CDH13: variants seen among roughly 807,000 people sequenced by gnomAD.
CDH13 encodes cadherin-13.
A neutral mutation model predicts 63.8 loss-of-function variants in CDH13; 24 were observed. The ratio of observed to expected loss-of-function variants is 0.38; its 90% confidence interval spans 0.27 to 0.53. The LOEUF (loss-of-function observed/expected upper bound fraction) is 0.53, where lower values mean the gene tolerates loss of function less well. Ranked by LOEUF, CDH13 falls within the 20% of genes least tolerant of loss-of-function variation. The probability of loss-of-function intolerance (pLI) is 0.85; values close to 1 mark genes in which losing one functional copy is unlikely to be tolerated. For synonymous variants in CDH13, 503 were observed against 355.3 expected (o/e 1.42, Z -4.67); for missense variants, 1,049 against 903.1 (o/e 1.16, Z -2.07).
At chr16:82,740,397 G>A (rs373154760) in intron 1 of CDH13, among the ~76,000 whole-genome samples, 13 of 152,276 alleles carry the variant, frequency 8.5e-5, no homozygotes, top group East Asian at 7.7e-4. Context: ...AATGTACAGC[G>A]TATTAGCCCA....
chr16:83,592,720 G>A (rs895027545), intron 7 of CDH13, among the ~76,000 whole-genome samples: 1 of 152,140 alleles, frequency 6.6e-6, no homozygotes, highest in African/African-American at 2.4e-5. Context: ...CAGTAAATCT[G>A]GAGAAATGAG....
rs1345889263 is a variant in CDH13 at position 82,813,837 on chromosome 16, G to A, written c.46-44525G>A. Among the ~76,000 whole-genome samples the A allele has an allele frequency of 7.9e-5, 12 of 152,182 alleles. 1 individual carries two copies. The East Asian group carries it at 2.3e-3, about 29-fold the overall frequency. ...TAGATTTTGAAGTTCAATCAGTCTT[G>A]GTTTCAAGTATTAGCTATTCCTCAG... On this transcript the variant is annotated intron_variant, in intron 1 of 13. Transcript: ENST00000567109.
At chr16:82,907,415 G>A (rs1370994529) in intron 2 of CDH13, among the ~76,000 whole-genome samples, 1 of 152,054 alleles carries the variant, frequency 6.6e-6, no homozygotes, top group Non-Finnish European at 1.5e-5. Context: ...TACTGTTTAG[G>A]GAGATATAGT....
chr16:82,654,734 ATTT>A (rs35891428), intron 1 of CDH13, among the ~76,000 whole-genome samples: 9 of 148,658 alleles, frequency 6.1e-5, no homozygotes, highest in African/African-American at 2.2e-4. Context: ...TTAAATAAGG[ATTT>A]TTTTTTTTTT....
intron 2 of CDH13, among the ~76,000 whole-genome samples, chr16:83,004,410 C>G (rs1287372591): frequency 1.3e-5 from 2 of 152,272 alleles, no homozygotes; most frequent in Middle Eastern, 3.4e-3. Context: ...AAGCTTAAAC[C>G]AAATAGAATT....
At chr16:83,733,750 T>A (rs1028808375) in intron 10 of CDH13, among the ~76,000 whole-genome samples, 1 of 152,168 alleles carries the variant, frequency 6.6e-6, no homozygotes, top group Non-Finnish European at 1.5e-5. Flanking sequence ...ACTTTCCCAT[T>A]CTGGTCTTCT....
At chr16:83,530,654 A>C (rs2075063795) in intron 7 of CDH13, among the ~76,000 whole-genome samples, 2 of 152,162 alleles carry the variant, frequency 1.3e-5, no homozygotes, top group African/African-American at 4.8e-5. Context: ...CATCTTAACC[A>C]CACACACAAG....
At chr16:83,162,692 C>G (rs1459852389) in intron 4 of CDH13, among the ~76,000 whole-genome samples, 1 of 152,098 alleles carries the variant, frequency 6.6e-6, no homozygotes, top group African/African-American at 2.4e-5. Flanking sequence ...AGGCCCTACA[C>G]CACTACCACT....
chr16:83,406,453 C>G (rs2092048359), intron 6 of CDH13, among the ~76,000 whole-genome samples: 2 of 146,656 alleles, frequency 1.4e-5, no homozygotes, highest in Non-Finnish European at 3.0e-5. Context: ...TCTCCCCTTT[C>G]TCTTTTTCTC....
chr16:82,831,395 C>G (rs970865610), intron 1 of CDH13, among the ~76,000 whole-genome samples: 4 of 146,002 alleles, frequency 2.7e-5, no homozygotes, highest in African/African-American at 7.3e-5. Flanking sequence ...AATTATATAT[C>G]TTTCATTTTT....
intron 6 of CDH13, among the ~76,000 whole-genome samples, chr16:83,445,854 C>A (rs2072671700): frequency 6.6e-6 from 1 of 152,080 alleles, no homozygotes; most frequent in African/African-American, 2.4e-5. Context: ...TGGGGAGATA[C>A]TGAAGTAGGA....
chr16:83,045,875 C>G (rs892870405), intron 3 of CDH13, among the ~76,000 whole-genome samples: 7 of 152,198 alleles, frequency 4.6e-5, no homozygotes, highest in Admixed American at 2.0e-4. Context: ...AGTTTTCAGG[C>G]AGAAGCCTGA....
At chr16:83,486,332 A>G in intron 6 of CDH13, 145 bp from the exon 7 acceptor site, 1 of 587,174 alleles carries the variant, frequency 1.7e-6, no homozygotes, top group Non-Finnish European at 2.8e-6. Context: ...GCTGAAACAT[A>G]GCAAAGCTTG....
intron 2 of CDH13, among the ~76,000 whole-genome samples, chr16:82,974,359 G>A (rs2151375871): frequency 6.6e-6 from 1 of 152,220 alleles, no homozygotes; most frequent in East Asian, 1.9e-4. Context: ...CATGTAGAAT[G>A]CCCACATTGT....
At chr16:82,638,210 C>T (rs1908925793) in intron 1 of CDH13, among the ~76,000 whole-genome samples, 1 of 152,136 alleles carries the variant, frequency 6.6e-6, no homozygotes, top group African/African-American at 2.4e-5. Context: ...CACGACAGTC[C>T]AGGCCTTCAC....
intron 1 of CDH13, chr16:82,639,581 C>G (rs187867954): frequency 1.5e-6 from 1 of 683,498 alleles, no homozygotes; most frequent in Non-Finnish European, 2.5e-6. Flanking sequence ...AATTCTTTCC[C>G]CAAACAAAAA....
At chr16:82,906,018 A>T (rs59184408) in intron 2 of CDH13, among the ~76,000 whole-genome samples, 1 of 152,082 alleles carries the variant, frequency 6.6e-6, no homozygotes, top group African/African-American at 2.4e-5. Flanking sequence ...ATATAAGTAT[A>T]TGAATATATA....
chr16:83,103,867 T>C (rs1055579942), intron 3 of CDH13, among the ~76,000 whole-genome samples: 1 of 152,200 alleles, frequency 6.6e-6, no homozygotes, highest in Admixed American at 6.5e-5. Flanking sequence ...TAAAAAAATT[T>C]TCCTACTTGT....
chr16:83,770,109 G>A (rs909286482), intron 11 of CDH13, among the ~76,000 whole-genome samples: 13 of 152,122 alleles, frequency 8.5e-5, no homozygotes, highest in Admixed American at 2.0e-4. Flanking sequence ...CACCCACAGC[G>A]TCAAAGCAAT....
Sources: gnomAD v4.1 joint callset for allele counts (sites outside exome capture counted in the v4.1 genomes callset) on GRCh38, gnomAD v4.1.1 for gene constraint, MANE v1.5 for transcripts, NCBI Gene and HGNC (gene_info 2026-07-23, HGNC 2026-07-21) for gene names.